The following DIP2C variants were observed in gnomAD, a reference collection of about 807,000 sequenced individuals.
DIP2C encodes DIP2 acetate--CoA ligase C (putative).
In DIP2C, 33 loss-of-function variants were observed where a neutral mutation model predicts 192.4. That is an observed-to-expected ratio of 0.17 (90% CI 0.13 to 0.23). The LOEUF (loss-of-function observed/expected upper bound fraction) is 0.23, where lower values mean the gene tolerates loss of function less well. Among genes scored for constraint, DIP2C ranks in the 10% least tolerant of loss-of-function variants. The probability of loss-of-function intolerance (pLI) is 1.00; values close to 1 mark genes in which losing one functional copy is unlikely to be tolerated. For missense variants in DIP2C, 1,537 were observed against 2,110.1 expected, an observed-to-expected ratio of 0.73 and a Z score of 5.32; for synonymous variants, 979 against 864.1, an observed-to-expected ratio of 1.13 and a Z score of -2.33.
intron 1 of DIP2C, among the ~76,000 whole-genome samples, chr10:638,383 T>C (rs909183165): frequency 5.3e-5 from 8 of 152,226 alleles, no homozygotes; most frequent in African/African-American, 1.9e-4. Context: ...CTCCTAACTA[T>C]AAAGTGGCTC....
intron 1 of DIP2C, among the ~76,000 whole-genome samples, chr10:518,774 G>C (rs1399652698): frequency 6.6e-6 from 1 of 152,218 alleles, no homozygotes; most frequent in Non-Finnish European, 1.5e-5. Context: ...GTCCTACAGA[G>C]ATGGCTACTC....
chr10:384,624 T>C lies in DIP2C; in HGVS notation c.1678A>G (p.Met560Val). 6.2e-7 allele frequency: 1 copy of C among 1,613,920 alleles called. No individual in the cohort carries two copies. The change falls in exon 15 of 37, where the codon ATG (methionine) becomes GTG (valine). Residue 560 changes from methionine (M) to valine (V), a missense_variant. This residue lies in a region of DIP2C where 677 missense variants were observed against 989.9 expected (regional missense o/e 0.68). Transcript: ENST00000280886. ...HGILTSVMNM[M>V]HVISIPYSLM... ...GAGTACGGGATGCTGATCACATGCA[T>C]CATGTTCATGACGCTCTGCAATCAA...
chr10:392,016 T>A (rs1466059161), intron 10 of DIP2C, among the ~76,000 whole-genome samples: 1 of 152,198 alleles, frequency 6.6e-6, no homozygotes, highest in African/African-American at 2.4e-5. Flanking sequence ...AACCAGCACA[T>A]GCAGGGCAGC....
intron 4 of DIP2C, among the ~76,000 whole-genome samples, chr10:423,295 AT>A (rs1966337133): frequency 1.3e-5 from 2 of 152,090 alleles, no homozygotes; most frequent in Non-Finnish European, 2.9e-5. Flanking sequence ...ACACTGACCC[AT>A]TTCCTCTACA....
At chr10:671,234 A>G (rs901980886) in intron 1 of DIP2C, among the ~76,000 whole-genome samples, 3 of 152,272 alleles carry the variant, frequency 2.0e-5, no homozygotes, top group African/African-American at 7.2e-5. Flanking sequence ...GTGACTAGAG[A>G]GAAGCGACGG....
chr10:330,399 C>T (rs1009480009), intron 29 of DIP2C, among the ~76,000 whole-genome samples: 1 of 152,080 alleles, frequency 6.6e-6, no homozygotes, highest in Non-Finnish European at 1.5e-5. Flanking sequence ...AACAACTTGT[C>T]AAAACTACAT....
rs79507093 is a variant in DIP2C, at chr10:607,601, T to G, written c.85+81893A>C. On this transcript the variant is annotated intron_variant, in intron 1 of 36. Transcript: ENST00000280886. The stretch of plus-strand genomic sequence containing the variant: ...GAAAATATCCTAAATAGAAAGTGCA[T>G]TTGACATAATAGTTTCGACTTACAA... Among the ~76,000 whole-genome samples, 378 of 152,302 alleles carry G rather than the reference T, an allele frequency of 2.5e-3. 1 individual carries two copies. The highest frequency in any genetic ancestry group is 0.01 in the Middle Eastern group (3 of 294).
chr10:309,955 G>C (rs897221870), intron 32 of DIP2C, 76 bp downstream of exon 32: 3 of 1,403,786 alleles, frequency 2.1e-6, no homozygotes, highest in Non-Finnish European at 3.0e-6. Context: ...TCTTCTTCTA[G>C]ATGGAGACCT....
At chr10:462,823 C>T (rs1305265830) in intron 3 of DIP2C, among the ~76,000 whole-genome samples, 1 of 152,156 alleles carries the variant, frequency 6.6e-6, no homozygotes, top group Non-Finnish European at 1.5e-5. Context: ...CCACCATGAT[C>T]AAATAGGCTT....
intron 1 of DIP2C, among the ~76,000 whole-genome samples, chr10:595,184 A>C (rs1457911938): frequency 6.6e-6 from 1 of 152,250 alleles, no homozygotes; most frequent in African/African-American, 2.4e-5. Context: ...TTTTTCTGAC[A>C]GTCTCAAAAC....
chr10:590,508 T>G (rs992342396), intron 1 of DIP2C, among the ~76,000 whole-genome samples: 4 of 152,184 alleles, frequency 2.6e-5, no homozygotes, highest in Admixed American at 6.5e-5. Context: ...TATCGACATG[T>G]TCCTTTAAAA....
intron 1 of DIP2C, among the ~76,000 whole-genome samples, chr10:548,208 A>ACCCCCAC (rs1783734357): frequency 7.6e-4 from 44 of 58,272 alleles, no homozygotes; most frequent in African/African-American, 2.7e-3. Flanking sequence ...AGTCTGCCCC[A>ACCCCCAC]CCCCCCCCCC....
Position 496,251 on chromosome 10 carries a change from A to G in DIP2C, c.86-9721T>C, listed in dbSNP as rs148588959. ...CGTGAGTGCTGAGTACACAGAACCA[A>G]TGCATGCCCTCCCGTGTACTTAAAA... is the stretch of plus-strand genomic sequence containing the variant. On this transcript the variant is annotated intron_variant, in intron 1 of 36. Transcript: ENST00000280886. Among the ~76,000 whole-genome samples the G allele has an allele frequency of 2.9e-4, 42 of 144,942 alleles. No individual in the cohort carries two copies. The East Asian group carries it at 6.7e-3, about 23-fold the overall frequency.
At chr10:397,055 C>T (rs1236151221) in intron 10 of DIP2C, among the ~76,000 whole-genome samples, 1 of 152,186 alleles carries the variant, frequency 6.6e-6, no homozygotes, top group East Asian at 1.9e-4. Context: ...GAAATGCAAC[C>T]ATGTAACTGG....
chr10:584,731 C>G (rs374255754), intron 1 of DIP2C, among the ~76,000 whole-genome samples: 3 of 118,124 alleles, frequency 2.5e-5, no homozygotes, highest in Non-Finnish European at 3.5e-5. Flanking sequence ...CCCCCACTCA[C>G]GCGCATCACC....
intron 29 of DIP2C, among the ~76,000 whole-genome samples, chr10:337,563 C>G (rs1258585356): frequency 2.3e-5 from 2 of 88,018 alleles, no homozygotes; most frequent in Admixed American, 1.2e-4. Context: ...TGTGTGTGTG[C>G]TGTGGAGGCC....
chr10:678,355 T>G (rs1322735616), intron 1 of DIP2C, among the ~76,000 whole-genome samples: 1 of 152,120 alleles, frequency 6.6e-6, no homozygotes, highest in Non-Finnish European at 1.5e-5. Flanking sequence ...AGAGAAGTCC[T>G]ATCTTTAAAA....
At chr10:440,574 A>AC in intron 4 of DIP2C, among the ~76,000 whole-genome samples, 1 of 152,112 alleles carries the variant, frequency 6.6e-6, no homozygotes. Context: ...AGGGGTACAA[A>AC]CTCTTCCCTT....
rs1564651773 is a variant in DIP2C, at chr10:390,876, CAG to C, written c.1261-15_1261-14del. On this transcript the variant is annotated splice_polypyrimidine_tract_variant and intron_variant, in intron 10 of 36. Coordinates refer to ENST00000280886, the MANE Select transcript of DIP2C (RefSeq NM_014974.3). Reference sequence around the variant, plus strand: ...GGCTCCCTGCGTCCTGAGAGGGCAACAGAGAGGAGTTGAGAATCCACGACCTG... The same window carrying C: ...GGCTCCCTGCGTCCTGAGAGGGCAACAGAGGAGTTGAGAATCCACGACCTG... 3 of 1,613,460 alleles carry C rather than the reference CAG, an allele frequency of 1.9e-6. No individual in the cohort carries two copies. Among genetic ancestry groups the C allele is most frequent in the South Asian group, 1.1e-5 (1 of 91,016 alleles).
Sources: allele counts gnomAD v4.1 joint callset (sites outside exome capture counted in the v4.1 genomes callset), GRCh38; gene constraint gnomAD v4.1.1; regional missense constraint gnomAD v4.1.1; transcripts MANE v1.5; gene names NCBI Gene and HGNC (gene_info 2026-07-23, HGNC 2026-07-21).